The following MICU1 variants were observed in gnomAD, a reference collection of about 807,000 sequenced individuals.
The protein encoded by MICU1 is calcium uptake protein 1, mitochondrial.
Under a neutral mutation model 56.8 loss-of-function variants are expected in MICU1, and 45 were observed. The ratio of observed to expected loss-of-function variants is 0.79; its 90% CI spans 0.62 to 1.02. The LOEUF is 1.02. MICU1 is among the 50% of genes least tolerant of loss of function. The pLI is 0.00. For synonymous variants in MICU1, 186 were observed against 195.1 expected (o/e 0.95, Z 0.39); for missense variants, 504 against 587.1 (o/e 0.86, Z 1.46).
intron 1 of MICU1, among the ~76,000 whole-genome samples, chr10:72,617,101 T>C (rs1842001359): frequency 6.6e-6 from 1 of 152,246 alleles, no homozygotes; most frequent in Non-Finnish European, 1.5e-5. Context: ...GGCAAGAAGG[T>C]AACCCTGTTA....
chr10:72,478,407 A>G (rs895144872), intron 6 of MICU1, among the ~76,000 whole-genome samples: 9 of 152,078 alleles, frequency 5.9e-5, no homozygotes, highest in Non-Finnish European at 1.2e-4. Context: ...CCCTTCCCAT[A>G]CTAAATGTTC....
At chr10:72,609,330 C>A (rs1418985206) in intron 1 of MICU1, among the ~76,000 whole-genome samples, 2 of 152,146 alleles carry the variant, frequency 1.3e-5, no homozygotes, top group Non-Finnish European at 2.9e-5. Context: ...TACTTAATGA[C>A]AATGAAGTAT....
intron 1 of MICU1, among the ~76,000 whole-genome samples, chr10:72,605,796 T>A (rs1011584616): frequency 6.6e-6 from 1 of 152,152 alleles, no homozygotes; most frequent in Non-Finnish European, 1.5e-5. Flanking sequence ...CTGGAACCAA[T>A]CCTCACAGAT....
At chr10:72,542,202 T>C (rs1194423687) in intron 4 of MICU1, among the ~76,000 whole-genome samples, 1 of 152,194 alleles carries the variant, frequency 6.6e-6, no homozygotes, top group Non-Finnish European at 1.5e-5. Context: ...TTATGGACAC[T>C]GAAATTTTAA....
intron 10 of MICU1, among the ~76,000 whole-genome samples, chr10:72,382,070 T>C (rs1862727715): frequency 6.7e-6 from 1 of 149,284 alleles, no homozygotes; most frequent in South Asian, 2.1e-4. Flanking sequence ...ATATGGGAAA[T>C]AATGGAATAG....
chr10:72,424,321 C>A (rs539371568), intron 8 of MICU1, among the ~76,000 whole-genome samples: 1 of 152,118 alleles, frequency 6.6e-6, no homozygotes, highest in Non-Finnish European at 1.5e-5. Flanking sequence ...CCATGTTGGC[C>A]AGGCTGGTCT....
intron 1 of MICU1, among the ~76,000 whole-genome samples, chr10:72,570,866 A>AT (rs573834425): frequency 0.024 from 3,470 of 144,632 alleles, 113 homozygotes; most frequent in African/African-American, 0.077. Flanking sequence ...GCAACTTCTG[A>AT]TTTTTTTTTT....
intron 3 of MICU1, among the ~76,000 whole-genome samples, chr10:72,558,209 A>T (rs1840207280): frequency 6.6e-6 from 1 of 152,242 alleles, no homozygotes; most frequent in Non-Finnish European, 1.5e-5. Flanking sequence ...ATTTCAATAA[A>T]CTTAGAATTT....
chr10:72,389,069 T>A (rs557797287), intron 10 of MICU1, among the ~76,000 whole-genome samples: 1 of 152,150 alleles, frequency 6.6e-6, no homozygotes, highest in East Asian at 1.9e-4. Flanking sequence ...GAAATGAGAG[T>A]TGCTGTTAGT....
At chr10:72,612,283 C>CAAA (rs58578214) in intron 1 of MICU1, among the ~76,000 whole-genome samples, 2 of 147,638 alleles carry the variant, frequency 1.4e-5, no homozygotes, top group African/African-American at 2.5e-5. Context: ...TTTTCTTAAC[C>CAAA]AAAAAAAAAA....
intron 1 of MICU1, among the ~76,000 whole-genome samples, chr10:72,572,654 T>C (rs187855094): frequency 1.3e-5 from 2 of 151,878 alleles, no homozygotes; most frequent in Non-Finnish European, 2.9e-5. Flanking sequence ...CAACAGAAAG[T>C]TGGGTAAAGA....
intron 3 of MICU1, among the ~76,000 whole-genome samples, chr10:72,552,448 T>C (rs914808015): frequency 1.3e-5 from 2 of 152,202 alleles, no homozygotes; most frequent in African/African-American, 4.8e-5. Flanking sequence ...AATAACTGGC[T>C]AGAAAATGTG....
chr10:72,509,371 C>T, intron 5 of MICU1: 1 of 1,334,890 alleles, frequency 7.5e-7, no homozygotes, highest in Non-Finnish European at 9.9e-7. Context: ...CACCAGCATC[C>T]AGTTACACAA....
chr10:72,562,185 G>C (rs1046149178), intron 3 of MICU1, among the ~76,000 whole-genome samples: 3 of 84,522 alleles, frequency 3.5e-5, no homozygotes, highest in South Asian at 3.7e-4. Context: ...ACTCAGTCTT[G>C]CTTTGCCGCC....
In MICU1 at chr10:72,460,072, T is replaced by C. The variant is rs371031356; in HGVS notation, c.933+15028A>G. On this transcript the variant is annotated intron_variant, in intron 8 of 11. Coordinates refer to ENST00000361114, the MANE Select transcript of MICU1 (RefSeq NM_001195518.2). ...TTTACAGTGTTGCTAGAGTGATCTT[T>C]CTAAAAATCCAAATCTGATTATGCC... Among the ~76,000 whole-genome samples, 8 of 152,372 alleles carry C rather than the reference T, an allele frequency of 5.3e-5. No individual in the cohort carries two copies. In the South Asian group the frequency reaches 1.7e-3, roughly 32 times the overall value.
At chr10:72,409,524 C>CA (rs1393281140) in intron 9 of MICU1, among the ~76,000 whole-genome samples, 1 of 152,092 alleles carries the variant, frequency 6.6e-6, no homozygotes, top group Non-Finnish European at 1.5e-5. Flanking sequence ...CTCATCTCTA[C>CA]AAAAAATATT....
intron 6 of MICU1, among the ~76,000 whole-genome samples, chr10:72,497,423 T>A (rs1055760547): frequency 2.6e-5 from 4 of 152,146 alleles, no homozygotes; most frequent in African/African-American, 9.7e-5. Context: ...GACGTAAGCA[T>A]AATCAAACAC....
At chr10:72,531,297 G>A (rs899385522) in intron 5 of MICU1, among the ~76,000 whole-genome samples, 2 of 152,080 alleles carry the variant, frequency 1.3e-5, no homozygotes, top group Non-Finnish European at 2.9e-5. Context: ...TGGCTATAAT[G>A]CATAAAATTA....
At chr10:72,453,466 A>T (rs1865358123) in intron 8 of MICU1, among the ~76,000 whole-genome samples, 1 of 150,090 alleles carries the variant, frequency 6.7e-6, no homozygotes, top group South Asian at 2.1e-4. Context: ...CAGTAAACCA[A>T]GCAGTACAAT....
Sources: allele counts gnomAD v4.1 joint callset (sites outside exome capture counted in the v4.1 genomes callset), GRCh38; gene constraint gnomAD v4.1.1; transcripts MANE v1.5; gene names NCBI Gene and HGNC (gene_info 2026-07-23, HGNC 2026-07-21).